Variants in SLC25A32 observed in about 807,000 individuals in gnomAD.
SLC25A32 encodes solute carrier family 25 member 32, also known as Glycine auxotroph B, complementation of hamster.
In SLC25A32, 32 loss-of-function variants were observed where a neutral mutation model predicts 39.0. The ratio of observed to expected loss-of-function variants is 0.82; its 90% CI spans 0.62 to 1.10. The LOEUF (loss-of-function observed/expected upper bound fraction) is 1.10. SLC25A32 is among the 50% of genes least tolerant of loss of function. SLC25A32 has a pLI of 0.00. For missense variants in SLC25A32, 367 were observed against 395.3 expected, an observed-to-expected ratio of 0.93 and a Z score of 0.61; for synonymous variants, 166 against 152.4, an observed-to-expected ratio of 1.09 and a Z score of -0.66.
chr8:103,406,100 A>T (rs1816326498), intron 2 of SLC25A32, among the ~76,000 whole-genome samples: 1 of 148,532 alleles, frequency 6.7e-6, no homozygotes, highest in Non-Finnish European at 1.5e-5. Context: ...CATATACATA[A>T]ACATATCTAT....
intron 1 of SLC25A32, chr8:103,414,583 C>T (rs1245071976): frequency 7.4e-6 from 5 of 673,388 alleles, no homozygotes; most frequent in South Asian, 5.8e-5. Flanking sequence ...CATGCCCCCT[C>T]TCTTAGTCTT....
chr8:103,404,770 C>T lies in SLC25A32; in HGVS notation c.391+6G>A, dbSNP rs748526606. The stretch of plus-strand genomic sequence containing the variant: ...TGACATTTTTATATTTCACACATTG[C>T]CTTACCAGCTTCAGCAGCTGAGACA... On this transcript the variant is annotated splice_donor_region_variant and intron_variant, in intron 3 of 6. Coordinates refer to ENST00000297578, the MANE Select transcript of SLC25A32 (RefSeq NM_030780.5). 6.2e-7 allele frequency: 1 copy of T among 1,604,560 alleles called. No individual in the cohort carries two copies. Among genetic ancestry groups the T allele is most frequent in the Non-Finnish European group, 8.5e-7 (1 of 1,172,730 alleles).
rs200282193 is a variant in SLC25A32, at chr8:103,407,932, T to TTA, written c.155-150_155-149dup. ...GTAGAAAAAATTATTTTCCAGGCTT[T>TTA]TATATATATATTACATATATATATA... On this transcript the variant is annotated intron_variant, in intron 1 of 6. Transcript: ENST00000297578. 769 of 210,746 alleles carry TTA rather than the reference T, an allele frequency of 3.6e-3. 3 individuals are homozygous for TTA. The highest frequency in any genetic ancestry group is 0.018 in the African/African-American group (726 of 41,256). 13.1% of individuals were successfully genotyped at this position (210,746 alleles called of 1,614,324 possible).
chr8:103,399,969 A>C lies in SLC25A32; in HGVS notation c.*442T>G, dbSNP rs141758872. On this transcript the variant is annotated 3_prime_UTR_variant, in exon 7 of 7. Coordinates refer to ENST00000297578, the MANE Select transcript of SLC25A32 (RefSeq NM_030780.5). The stretch of plus-strand genomic sequence containing the variant: ...GATTTGGTCAACACCTTATTCAGTA[A>C]ATCCTTAATTTACCTTGAGACATAC... 1 of 157,954 alleles carries C rather than the reference A, an allele frequency of 6.3e-6. No homozygotes were observed. The highest frequency in any genetic ancestry group is 1.4e-5 in the Non-Finnish European group (1 of 72,122). 9.8% of individuals were successfully genotyped at this position (157,954 alleles called of 1,614,324 possible).
At chr8:103,408,505 G>C (rs1055380089) in intron 1 of SLC25A32, among the ~76,000 whole-genome samples, 3 of 152,146 alleles carry the variant, frequency 2.0e-5, no homozygotes, top group Non-Finnish European at 2.9e-5. Flanking sequence ...CTAGCTAGGA[G>C]CCTCAATTTA....
At chr8:103,404,656 T>G (rs942532192) in intron 3 of SLC25A32, 120 bp downstream of exon 3, 1 of 568,682 alleles carries the variant, frequency 1.8e-6, no homozygotes, top group African/African-American at 2.0e-5. Flanking sequence ...TCCATGTAAC[T>G]GATTTAATAC....
At chr8:103,412,173 G>C (rs1816480825) in intron 1 of SLC25A32, among the ~76,000 whole-genome samples, 1 of 152,208 alleles carries the variant, frequency 6.6e-6, no homozygotes, top group Non-Finnish European at 1.5e-5. Context: ...GTAAGTACTA[G>C]TTTATTTATG....
At chr8:103,406,643 C>T (rs1033936225) in intron 2 of SLC25A32, among the ~76,000 whole-genome samples, 1 of 152,176 alleles carries the variant, frequency 6.6e-6, no homozygotes, top group Non-Finnish European at 1.5e-5. Flanking sequence ...GATGATGGGG[C>T]AGGTCAAACA....
rs1327533720 is a variant in SLC25A32 at position 103,414,926 on chromosome 8, C to T, written c.12G>A (p.Gln4=). The T allele has an allele frequency of 1.2e-6, 2 of 1,606,880 alleles. No homozygotes were observed. The highest frequency in any genetic ancestry group is 8.5e-7 in the Non-Finnish European group (1 of 1,177,126). Residue 4 remains glutamine, a synonymous_variant, in exon 1 of 7, where the codon CAG becomes CAA. Coordinates refer to ENST00000297578, the MANE Select transcript of SLC25A32 (RefSeq NM_030780.5). ...CCGACGACCCGGACGCCGACTGGCC[C>T]TGGCCCGTCATAGGCTCGGGGCCCG... The part of the protein sequence containing the change: MTG[Q]GQSASGSSAW...
chr8:103,408,993 G>C (rs557297031), intron 1 of SLC25A32, among the ~76,000 whole-genome samples: 1 of 152,162 alleles, frequency 6.6e-6, no homozygotes, highest in African/African-American at 2.4e-5. Context: ...TATAAATCTG[G>C]CACTTTTCAT....
At chr8:103,400,927 T>C (rs1057332044) in intron 6 of SLC25A32, among the ~76,000 whole-genome samples, 4 of 152,262 alleles carry the variant, frequency 2.6e-5, no homozygotes, top group African/African-American at 9.6e-5. Context: ...TATAAAACTT[T>C]ATTTCCTTAA....
Position 103,407,796 on chromosome 8 carries a change from G to T in SLC25A32, c.155-12C>A, listed in dbSNP as rs984604275. 3.7e-6 allele frequency: 6 copies of T among 1,609,444 alleles called. No homozygotes were observed. Among genetic ancestry groups the T allele is most frequent in the Non-Finnish European group, 4.2e-6 (5 of 1,177,302 alleles). ...CAATCCATCACTCACTGCATCAAGG[G>T]ATACACAAAGTCAGGTAAGAACAAA... On this transcript the variant is annotated splice_polypyrimidine_tract_variant and intron_variant, in intron 1 of 6. Coordinates refer to ENST00000297578, the MANE Select transcript of SLC25A32 (RefSeq NM_030780.5).
chr8:103,410,224 T>C (rs1816434409), intron 1 of SLC25A32, among the ~76,000 whole-genome samples: 1 of 152,234 alleles, frequency 6.6e-6, no homozygotes, highest in African/African-American at 2.4e-5. Flanking sequence ...AAAATTGTTA[T>C]ATCGATAAAA....
At position 103,414,850 on chromosome 8, in the gene SLC25A32, C is replaced by G. The variant is rs1199470850; in HGVS notation, c.88G>C (p.Val30Leu). Residue 30 changes from valine (V) to leucine (L), a missense_variant, in exon 1 of 7, where the codon GTG (valine) becomes CTG (leucine). Val to Leu is a conservative substitution (Grantham distance 32). Coordinates refer to ENST00000297578, the MANE Select transcript of SLC25A32 (RefSeq NM_030780.5). ...AGGTTGGATAAGACGCCGCCGCTCA[C>G]GCCCGCTATCAGGTTCTCATACCGG... is the stretch of plus-strand genomic sequence containing the variant. ...HVRYENLIAG[V>L]SGGVLSNLAL... 2 of 1,613,646 alleles carry G rather than the reference C, an allele frequency of 1.2e-6. No individual in the cohort carries two copies. The highest frequency in any genetic ancestry group is 1.7e-6 in the Non-Finnish European group (2 of 1,179,988).
chr8:103,402,882 A>G (rs1223898552), intron 4 of SLC25A32, among the ~76,000 whole-genome samples: 3 of 152,230 alleles, frequency 2.0e-5, no homozygotes, highest in East Asian at 1.9e-4. Flanking sequence ...GGAGTAAGGA[A>G]TAAGTGACCT....
intron 4 of SLC25A32, 93 bp downstream of exon 4, chr8:103,403,071 T>G (rs1466927136): frequency 3.7e-6 from 3 of 812,168 alleles, no homozygotes; most frequent in East Asian, 5.5e-5. Flanking sequence ...GGCTTCTTTT[T>G]AGGACTTACT....
Position 103,415,087 on chromosome 8 carries a change from G to A in SLC25A32, c.-150C>T, listed in dbSNP as rs758342847. On this transcript the variant is annotated 5_prime_UTR_variant, in exon 1 of 7. Transcript: ENST00000297578. ...ACTCTTATGCCCAAGGCGCGTGAGCGAAGCCGGAGACTCTAGTACTGAGGG... is the reference window on the plus strand; with the variant it reads ...ACTCTTATGCCCAAGGCGCGTGAGCAAAGCCGGAGACTCTAGTACTGAGGG... 1.2e-5 allele frequency: 20 copies of A among 1,609,778 alleles called. No homozygotes were observed. The highest frequency in any genetic ancestry group is 4.0e-5 in the African/African-American group (3 of 74,768).
At chr8:103,403,924 C>A (rs1816273158) in intron 3 of SLC25A32, among the ~76,000 whole-genome samples, 1 of 152,150 alleles carries the variant, frequency 6.6e-6, no homozygotes, top group Non-Finnish European at 1.5e-5. Context: ...TTCTCATTTG[C>A]CAGGTTTCCT....
At chr8:103,410,416 C>T (rs917307788) in intron 1 of SLC25A32, among the ~76,000 whole-genome samples, 1 of 152,120 alleles carries the variant, frequency 6.6e-6, no homozygotes, top group Non-Finnish European at 1.5e-5. Context: ...GCCTCCTGTC[C>T]GATCAGTGGT....
Sources: allele counts gnomAD v4.1 joint callset (sites outside exome capture counted in the v4.1 genomes callset), GRCh38; gene constraint gnomAD v4.1.1; transcripts MANE v1.5; gene names NCBI Gene and HGNC (gene_info 2026-07-23, HGNC 2026-07-21).